BANF2: variants seen among roughly 807,000 people sequenced by gnomAD.
BANF2 encodes the protein barrier-to-autointegration factor-like protein.
A neutral mutation model predicts 8.0 loss-of-function variants in BANF2; 4 were observed. That is an observed-to-expected ratio of 0.50 (90% confidence interval 0.25 to 1.14). The LOEUF (loss-of-function observed/expected upper bound fraction) is 1.14. Among genes scored for constraint, BANF2 ranks in the 50% most tolerant of loss-of-function variants. The pLI, the probability that BANF2 is intolerant of heterozygous loss-of-function variation, is 0.16. For synonymous variants in BANF2, 50 were observed against 40.6 expected (o/e 1.23, Z -0.88); for missense variants, 96 against 107.5 (o/e 0.89, Z 0.47).
chr20:17,701,459 T>A (rs1214133037), intron 1 of BANF2, among the ~76,000 whole-genome samples: 1 of 152,174 alleles, frequency 6.6e-6, no homozygotes, highest in African/African-American at 2.4e-5. Flanking sequence ...TCACTCTCTA[T>A]CGACTATCCC....
rs2037385080 is a variant in BANF2 at position 17,700,042 on chromosome 20, A to T, written c.-180A>T. 1 of 980,266 alleles carries T rather than the reference A, an allele frequency of 1.0e-6. No individual in the cohort carries two copies. Among genetic ancestry groups the T allele is most frequent in the Non-Finnish European group, 1.2e-6 (1 of 825,304 alleles). The allele number at this position is 980,266 out of a possible 1,614,324, so 60.7% of individuals were successfully genotyped here. A position where few individuals can be genotyped will look rare whatever the true frequency, so the allele number is the denominator to read the frequency against. Reference sequence around the variant, plus strand: ...ACAAACTGCCAGCTGCCACTGGCTTATCAGGAGCACCTGGTGAGTATTCAG... The same window carrying T: ...ACAAACTGCCAGCTGCCACTGGCTTTTCAGGAGCACCTGGTGAGTATTCAG... On this transcript the variant is annotated 5_prime_UTR_variant, in exon 1 of 4. Transcript: ENST00000246090.
At chr20:17,695,771 A>G (rs887151746), upstream of BANF2, among the ~76,000 whole-genome samples, 3 of 152,214 alleles carry the variant, frequency 2.0e-5, no homozygotes, top group Non-Finnish European at 4.4e-5. Flanking sequence ...AATCATCGCC[A>G]TGATAGAGAT....
intron 1 of BANF2, among the ~76,000 whole-genome samples, chr20:17,694,427 C>T (rs974782463): frequency 6.6e-5 from 10 of 151,738 alleles, no homozygotes; most frequent in Non-Finnish European, 1.5e-4. Flanking sequence ...GGAGGGTGTT[C>T]GACAATCTTA....
intron 1 of BANF2, among the ~76,000 whole-genome samples, chr20:17,713,244 T>C (rs555009970): frequency 2.4e-4 from 36 of 151,986 alleles, no homozygotes; most frequent in African/African-American, 8.0e-4. Flanking sequence ...CAAGACTCCA[T>C]TTTAAAAAGA....
chr20:17,708,492 A>T (rs1438089880), intron 1 of BANF2, among the ~76,000 whole-genome samples: 2 of 152,174 alleles, frequency 1.3e-5, no homozygotes, highest in African/African-American at 2.4e-5. Flanking sequence ...CAGAAGAGCC[A>T]GTCACATGGG....
chr20:17,719,444 C>T (rs1197516516), intron 1 of BANF2, among the ~76,000 whole-genome samples: 2 of 152,016 alleles, frequency 1.3e-5, no homozygotes, highest in Admixed American at 6.6e-5. Context: ...GGTGCATCGT[C>T]TTGAACAGGT....
chr20:17,701,248 G>A lies in BANF2; in HGVS notation c.-167+1193G>A, dbSNP rs75969657. Reference sequence around the variant, plus strand: ...GGCGCTAGAGCAACCTGTGGTCCCCGTCCTGCAGCAGGTTTAATTTGGAGA... The same window carrying A: ...GGCGCTAGAGCAACCTGTGGTCCCCATCCTGCAGCAGGTTTAATTTGGAGA... On this transcript the variant is annotated intron_variant, in intron 1 of 3. Transcript: ENST00000246090. 6.6e-4 allele frequency among the ~76,000 whole-genome samples: 100 copies of A among 152,238 alleles called. 1 individual carries two copies. The East Asian group carries it at 0.016, about 25-fold the overall frequency.
In BANF2 at chr20:17,708,090, T is replaced by G; in HGVS notation, c.-167+8035T>G. ...AAACCAAAAAGAATTAGCCAGGTGT[T>G]GCGGTGCATGCCTGTAATCCCAGCT... On this transcript the variant is annotated intron_variant, in intron 1 of 3. Transcript: ENST00000246090. Among the ~76,000 whole-genome samples, 2 of 149,768 alleles carry G rather than the reference T, an allele frequency of 1.3e-5. 1 individual carries two copies.
chr20:17,708,632 G>T (rs968156673), intron 1 of BANF2, among the ~76,000 whole-genome samples: 3 of 152,106 alleles, frequency 2.0e-5, no homozygotes, highest in African/African-American at 7.2e-5. Context: ...CAGCGCCCTT[G>T]CACTGTTTTC....
chr20:17,710,922 G>A (rs112134833), intron 1 of BANF2, among the ~76,000 whole-genome samples: 5 of 151,336 alleles, frequency 3.3e-5, no homozygotes, highest in Non-Finnish European at 7.4e-5. Context: ...GAGTCAGACT[G>A]TGTGGGAGTG....
chr20:17,735,758 G>C lies in BANF2; in HGVS notation c.220G>C (p.Glu74Gln). 2 of 1,614,058 alleles carry C rather than the reference G, an allele frequency of 1.2e-6. No homozygotes were observed. The change falls in exon 4 of 4, where the codon GAG becomes CAG. Residue 74 changes from glutamate to glutamine, a missense_variant. Glu to Gln is a conservative substitution (Grantham distance 29). Coordinates refer to ENST00000246090, the MANE Select transcript of BANF2 (RefSeq NM_178477.5). ...TTGCTGTTTTGGTGCCACTGAGTGT[G>C]AGGCCCAGCAGACTTCTCACTGCCT... ...LICCFGATEC[E>Q]AQQTSHCLKE...
chr20:17,722,117 G>A (rs1323068283), intron 1 of BANF2, among the ~76,000 whole-genome samples: 1 of 152,230 alleles, frequency 6.6e-6, no homozygotes. Context: ...CGTAAAGAAT[G>A]TGAAGACCTT....
intron 3 of BANF2, among the ~76,000 whole-genome samples, chr20:17,725,809 AG>A (rs2037800895): frequency 1.3e-5 from 2 of 152,348 alleles, no homozygotes; most frequent in African/African-American, 4.8e-5. Flanking sequence ...ACGCCCGGTC[AG>A]GAGAGGCACC....
intron 1 of BANF2, among the ~76,000 whole-genome samples, chr20:17,720,558 T>G (rs1305574257): frequency 6.6e-6 from 1 of 152,246 alleles, no homozygotes; most frequent in Non-Finnish European, 1.5e-5. Context: ...TTCTACACAG[T>G]TCCACTTATA....
intron 3 of BANF2, among the ~76,000 whole-genome samples, chr20:17,731,949 C>T (rs886202879): frequency 3.3e-5 from 5 of 151,768 alleles, no homozygotes; most frequent in African/African-American, 1.2e-4. Context: ...ACCCGTAGTC[C>T]CACCTACTCG....
chr20:17,711,284 A>G (rs532114516), intron 1 of BANF2, among the ~76,000 whole-genome samples: 14 of 152,328 alleles, frequency 9.2e-5, no homozygotes, highest in Non-Finnish European at 1.6e-4. Flanking sequence ...GGGCCTGTAA[A>G]GCCCTCATGA....
rs148334818 is a variant in BANF2 at position 17,732,520 on chromosome 20, C to T, written c.127-3145C>T. Among the ~76,000 whole-genome samples, 5 of 152,260 alleles carry T rather than the reference C, an allele frequency of 3.3e-5. No homozygotes were observed. The East Asian group carries it at 9.6e-4, about 29-fold the overall frequency. On this transcript the variant is annotated intron_variant, in intron 3 of 3. Coordinates refer to ENST00000246090, the MANE Select transcript of BANF2 (RefSeq NM_178477.5). ...TACACGCGGCTGCCACCATACCAGG[C>T]TAATTTTTGTATTTTTAGTAGAGAT...
At chr20:17,721,550 C>G (rs925504587) in intron 1 of BANF2, among the ~76,000 whole-genome samples, 5 of 152,058 alleles carry the variant, frequency 3.3e-5, no homozygotes, top group African/African-American at 1.2e-4. Flanking sequence ...CACCACTACG[C>G]CTGGCTAATT....
chr20:17,730,188 T>TA (rs914299422), intron 3 of BANF2, among the ~76,000 whole-genome samples: 1 of 152,142 alleles, frequency 6.6e-6, no homozygotes, highest in Admixed American at 6.5e-5. Flanking sequence ...CATTTAATGG[T>TA]AAAAAACAAT....
Sources: allele counts gnomAD v4.1 joint callset (sites outside exome capture counted in the v4.1 genomes callset), GRCh38; gene constraint gnomAD v4.1.1; transcripts MANE v1.5; gene names NCBI Gene and HGNC (gene_info 2026-07-23, HGNC 2026-07-21).